Variants in NHSL1 observed in about 807,000 individuals in gnomAD.
NHSL1 encodes the protein NHS like 1, also known as NHS-like protein 1.
In NHSL1, 48 loss-of-function variants were observed where a neutral mutation model predicts 95.0. The observed-to-expected ratio is 0.51, with a 90% CI of 0.40 to 0.64. The LOEUF (loss-of-function observed/expected upper bound fraction) is 0.64, where lower values mean the gene tolerates loss of function less well. NHSL1 is among the 30% of genes least tolerant of loss of function. The probability of loss-of-function intolerance (pLI) is 0.00; values close to 1 mark genes in which losing one functional copy is unlikely to be tolerated. For missense variants in NHSL1, 1,971 were observed against 2,077.7 expected (o/e 0.95, Z 1.00); for synonymous variants, 783 against 833.9 (o/e 0.94, Z 1.05).
At chr6:138,493,448 G>A (rs1349426097) in intron 2 of NHSL1, among the ~76,000 whole-genome samples, 1 of 152,216 alleles carries the variant, frequency 6.6e-6, no homozygotes, top group South Asian at 2.1e-4. Flanking sequence ...CAGATGTTCA[G>A]TTTTTCAAGG....
chr6:138,431,209 A>G lies in NHSL1; in HGVS notation c.3136T>C (p.Ser1046Pro). ...GGCGGCCTCAAGGATCCCCGGGAGG[A>G]TTCTGGCTGGCCAGAATTTGTGAAA... ...PPFTNSGQPE[S>P]SRGSLRPPST... Residue 1046 changes from serine (S) to proline (P), a missense_variant, in exon 6 of 8, where the codon TCC (serine) becomes CCC (proline). Physicochemically the swap from Ser to Pro is moderately conservative, Grantham distance 74. Around this residue, in one of 3 missense-constraint regions of NHSL1, gnomAD observed 1,602 missense variants for 1,654.5 expected, o/e 0.97. Coordinates refer to ENST00000343505, the MANE Select transcript of NHSL1 (RefSeq NM_001144060.2). This position sits in a 1 kb window ranked among gnomAD's most constrained non-coding sequence, Gnocchi z 4.0. 6.5e-7 allele frequency: 1 copy of G among 1,534,474 alleles called. No individual in the cohort carries two copies. The highest frequency in any genetic ancestry group is 1.2e-5 in the South Asian group (1 of 82,422).
intron 1 of NHSL1, among the ~76,000 whole-genome samples, chr6:138,530,668 C>A (rs569537536): frequency 3.9e-5 from 6 of 152,124 alleles, no homozygotes; most frequent in Non-Finnish European, 7.4e-5. Flanking sequence ...CTAAGTGAAG[C>A]AACTCAGGGA....
At chr6:138,504,092 C>T (rs1184730141), upstream of NHSL1, among the ~76,000 whole-genome samples, 1 of 151,792 alleles carries the variant, frequency 6.6e-6, no homozygotes, top group Non-Finnish European at 1.5e-5. Context: ...AATATTAGCC[C>T]GGTGTGGTGG....
At chr6:138,662,940 C>T (rs1351213365) in intron 1 of NHSL1, among the ~76,000 whole-genome samples, 2 of 150,304 alleles carry the variant, frequency 1.3e-5, no homozygotes, top group African/African-American at 4.9e-5. Flanking sequence ...TAGCAAAAAC[C>T]CCCTTTAAAA....
At chr6:138,582,977 G>A (rs947461670) in intron 1 of NHSL1, among the ~76,000 whole-genome samples, 2 of 152,230 alleles carry the variant, frequency 1.3e-5, no homozygotes, top group East Asian at 3.8e-4. Context: ...TTTCTCACAA[G>A]CTAGTGGGTC....
At chr6:138,587,588 A>G (rs377612422) in intron 1 of NHSL1, among the ~76,000 whole-genome samples, 1 of 152,100 alleles carries the variant, frequency 6.6e-6, no homozygotes, top group African/African-American at 2.4e-5. Flanking sequence ...TCTTTAAGAA[A>G]GTTTACATTC....
In NHSL1 at chr6:138,424,427, A is replaced by G. The variant is rs1398798966; in HGVS notation, c.4475T>C (p.Phe1492Ser). The change falls in exon 8 of 8, where the codon TTT (phenylalanine) becomes TCT (serine). Residue 1492 changes from phenylalanine (F) to serine (S), a missense_variant. Around this residue, in one of 3 missense-constraint regions of NHSL1, gnomAD observed 223 missense variants for 217.0 expected, o/e 1.03. Coordinates refer to ENST00000343505, the MANE Select transcript of NHSL1 (RefSeq NM_001144060.2). This position sits in a 1 kb window ranked among gnomAD's most constrained non-coding sequence, Gnocchi z 5.9. ...NEGLMPRSLS[F>S]SGPRYGRSRT... ...GCTGCGGCCGTACCTGGGGCCGGAA[A>G]AGGACAGACTCCGAGGCATCAAGCC... is the stretch of plus-strand genomic sequence containing the variant. 6.5e-7 allele frequency: 1 copy of G among 1,550,306 alleles called. No individual in the cohort carries two copies. Among genetic ancestry groups the G allele is most frequent in the Admixed American group, 2.0e-5 (1 of 50,954 alleles).
chr6:138,514,068 G>A (rs1781350055), intron 1 of NHSL1, among the ~76,000 whole-genome samples: 1 of 152,190 alleles, frequency 6.6e-6, no homozygotes, highest in Admixed American at 6.5e-5. Context: ...TGTAATCTCA[G>A]CACTTTGGGA....
intron 1 of NHSL1, among the ~76,000 whole-genome samples, chr6:138,635,718 C>CAAAACA (rs1323813569): frequency 6.6e-6 from 1 of 151,942 alleles, no homozygotes; most frequent in Non-Finnish European, 1.5e-5. Context: ...ACAGACACAT[C>CAAAACA]AAAACAAAAA....
At chr6:138,485,123 T>A (rs1353752090) in intron 2 of NHSL1, among the ~76,000 whole-genome samples, 2 of 152,280 alleles carry the variant, frequency 1.3e-5, no homozygotes, top group Admixed American at 6.5e-5. Flanking sequence ...CAGAGGAGCA[T>A]CACCAAGGTT....
At chr6:138,592,727 T>C (rs983273109) in intron 1 of NHSL1, among the ~76,000 whole-genome samples, 20 of 152,170 alleles carry the variant, frequency 1.3e-4, no homozygotes, top group African/African-American at 3.9e-4. Flanking sequence ...TGTGTGGATA[T>C]ATTTTAGTGG....
At chr6:138,650,695 G>A in intron 1 of NHSL1, 1 of 553,312 alleles carries the variant, frequency 1.8e-6, no homozygotes, top group Non-Finnish European at 3.7e-6. Flanking sequence ...ACATGCAGGG[G>A]GTGGGTCAAC....
At position 138,431,439 on chromosome 6, in the gene NHSL1, G is replaced by A. The variant is rs1028431212; in HGVS notation, c.2906C>T (p.Pro969Leu). 1.3e-6 allele frequency: 2 copies of A among 1,550,898 alleles called. No individual in the cohort carries two copies. Among genetic ancestry groups the A allele is most frequent in the African/African-American group, 2.7e-5 (2 of 72,966 alleles). The change falls in exon 6 of 8, where the codon CCT becomes CTT. Residue 969 changes from proline to leucine, a missense_variant. Around this residue, in one of 3 missense-constraint regions of NHSL1, gnomAD observed 1,602 missense variants for 1,654.5 expected, o/e 0.97. Transcript: ENST00000343505. This position sits in a 1 kb window ranked among gnomAD's most constrained non-coding sequence, Gnocchi z 4.0. ...CSQGSPLPHSPVFPPPPPEAL... is the reference protein window; with the variant it reads ...CSQGSPLPHSLVFPPPPPEAL... Reference sequence around the variant, plus strand: ...TTCTGGCGGCGGAGGGGGGAACACAGGAGAGTGAGGCAGAGGAGAGCCCTG... The same window carrying A: ...TTCTGGCGGCGGAGGGGGGAACACAAGAGAGTGAGGCAGAGGAGAGCCCTG...
chr6:138,448,315 C>T (rs554322942), intron 3 of NHSL1, among the ~76,000 whole-genome samples: 1 of 152,290 alleles, frequency 6.6e-6, no homozygotes, highest in Admixed American at 6.5e-5. Flanking sequence ...GGGTAATCGA[C>T]TTTCGTGGGG....
At chr6:138,498,086 T>A (rs759912320) in intron 1 of NHSL1, among the ~76,000 whole-genome samples, 17 of 152,204 alleles carry the variant, frequency 1.1e-4, no homozygotes, top group Non-Finnish European at 1.9e-4. Context: ...CCCTCATTTG[T>A]GTTTCAGAAG....
chr6:138,443,960 C>T (rs557873176), intron 4 of NHSL1, among the ~76,000 whole-genome samples: 38 of 152,338 alleles, frequency 2.5e-4, no homozygotes, highest in Middle Eastern at 3.4e-3. Flanking sequence ...CTAAGACACA[C>T]GTCATTGAAG....
At chr6:138,672,176 A>G (rs939145743) in intron 1 of NHSL1, among the ~76,000 whole-genome samples, 8 of 152,178 alleles carry the variant, frequency 5.3e-5, no homozygotes, top group African/African-American at 1.9e-4. Flanking sequence ...CTCATTCACC[A>G]AGAGAGACTG....
intron 1 of NHSL1, among the ~76,000 whole-genome samples, chr6:138,587,076 G>T (rs368996720): frequency 2.0e-5 from 3 of 151,854 alleles, no homozygotes; most frequent in African/African-American, 7.3e-5. Context: ...AGGTTCAAGC[G>T]ATTCTCCTGT....
chr6:138,537,697 T>C (rs1344067603), intron 1 of NHSL1, among the ~76,000 whole-genome samples: 1 of 152,246 alleles, frequency 6.6e-6, no homozygotes, highest in Non-Finnish European at 1.5e-5. Flanking sequence ...TTGGGATTTC[T>C]TGAATATTCT....
Sources: gnomAD v4.1 joint callset for allele counts (sites outside exome capture counted in the v4.1 genomes callset) on GRCh38, gnomAD v4.1.1 for gene constraint, gnomAD v4.1.1 regional missense constraint, Gnocchi (gnomAD v3.1) non-coding constraint, MANE v1.5 for transcripts, NCBI Gene and HGNC (gene_info 2026-07-23, HGNC 2026-07-21) for gene names.